TSNARE1: variants seen among roughly 807,000 people sequenced by gnomAD.
TSNARE1 encodes the protein t-SNARE domain-containing protein 1.
Under a neutral mutation model 62.0 loss-of-function variants are expected in TSNARE1, and 49 were observed. The ratio of observed to expected loss-of-function variants is 0.79; its 90% CI spans 0.63 to 1.00. TSNARE1 has a LOEUF of 1.00. Among genes scored for constraint, TSNARE1 ranks in the 50% least tolerant of loss-of-function variants. The pLI, the probability that TSNARE1 is intolerant of heterozygous loss-of-function variation, is 0.00. For missense variants in TSNARE1, 755 were observed against 700.1 expected (o/e 1.08, Z -0.88); for synonymous variants, 328 against 294.4 (o/e 1.11, Z -1.17).
chr8:142,241,715 C>A (rs1172292362), intron 12 of TSNARE1, among the ~76,000 whole-genome samples: 1 of 152,286 alleles, frequency 6.6e-6, no homozygotes. Context: ...TTGCAGTTAA[C>A]TAATCTTTGG....
intron 10 of TSNARE1, among the ~76,000 whole-genome samples, chr8:142,297,736 G>A (rs1586640578): frequency 6.6e-6 from 1 of 152,230 alleles, no homozygotes; most frequent in South Asian, 2.1e-4. Flanking sequence ...AGCCTCTCAT[G>A]CGTCACGCTG....
intron 11 of TSNARE1, chr8:142,278,577 G>A: frequency 1.0e-6 from 1 of 985,444 alleles, no homozygotes; most frequent in African/African-American, 1.7e-5. Context: ...GGTGCGGTGG[G>A]AGGAGGCACG....
chr8:142,379,656 G>A (rs983502938), intron 1 of TSNARE1, among the ~76,000 whole-genome samples: 3 of 152,208 alleles, frequency 2.0e-5, no homozygotes, highest in African/African-American at 7.2e-5. Context: ...ACCACACAAA[G>A]GAGAAGAGAG....
chr8:142,276,499 C>A (rs761767280), intron 11 of TSNARE1: 2 of 985,358 alleles, frequency 2.0e-6, no homozygotes, highest in Non-Finnish European at 2.4e-6. Flanking sequence ...GGCCTCGCTT[C>A]TGTTGCTGAG....
intron 10 of TSNARE1, among the ~76,000 whole-genome samples, chr8:142,290,925 G>A (rs778883689): frequency 6.6e-6 from 1 of 152,214 alleles, no homozygotes; most frequent in Non-Finnish European, 1.5e-5. Flanking sequence ...CTTGGCGAGG[G>A]AAGCCCAGTG....
intron 4 of TSNARE1, among the ~76,000 whole-genome samples, chr8:142,339,068 A>T (rs1832169470): frequency 6.6e-6 from 1 of 152,026 alleles, no homozygotes; most frequent in Non-Finnish European, 1.5e-5. Flanking sequence ...TGATGGACAG[A>T]CGTGAGGAAA....
chr8:142,284,638 T>C (rs1014123505), intron 10 of TSNARE1, among the ~76,000 whole-genome samples, 153 bp from the exon 11 acceptor site: 19 of 152,090 alleles, frequency 1.2e-4, no homozygotes, highest in Non-Finnish European at 1.8e-4. Flanking sequence ...GTCTGTCCAC[T>C]TCCTGTGACA....
intron 9 of TSNARE1, among the ~76,000 whole-genome samples, chr8:142,310,526 G>A (rs1482030026): frequency 6.6e-6 from 1 of 151,254 alleles, no homozygotes; most frequent in African/African-American, 2.5e-5. Context: ...TTCTGTTGAT[G>A]AGGAGTTCTC....
In TSNARE1 at chr8:142,219,100, T is replaced by C. The variant is rs530232564; in HGVS notation, c.*12-6787A>G. Among the ~76,000 whole-genome samples the C allele has an allele frequency of 3.9e-5, 6 of 152,178 alleles. No homozygotes were observed. In the South Asian group the frequency reaches 8.3e-4, roughly 21 times the overall value. ...ACTTCTTTTCCCTGTCAGGGCTGGC[T>C]GAAGATGCTTTCTGTTCCCTGAGTG... On this transcript the variant is annotated intron_variant, in intron 13 of 13. Coordinates refer to ENST00000524325, the MANE Select transcript of TSNARE1 (RefSeq NM_145003.5).
intron 11 of TSNARE1, chr8:142,277,037 T>C: frequency 1.0e-6 from 1 of 985,290 alleles, no homozygotes; most frequent in Non-Finnish European, 1.2e-6. Flanking sequence ...TGAGGACAGG[T>C]TTGGTGCGTG....
intron 13 of TSNARE1, among the ~76,000 whole-genome samples, chr8:142,213,658 C>T (rs1233724277): frequency 1.3e-5 from 2 of 152,160 alleles, no homozygotes; most frequent in African/African-American, 2.4e-5. Flanking sequence ...GGGGAGGGGG[C>T]CCCTCAGGAC....
chr8:142,363,168 G>A (rs1035665211), intron 1 of TSNARE1, among the ~76,000 whole-genome samples: 1 of 152,168 alleles, frequency 6.6e-6, no homozygotes, highest in Non-Finnish European at 1.5e-5. Flanking sequence ...GGTATCTACT[G>A]GGGATGGCCC....
At position 142,271,454 on chromosome 8, in the gene TSNARE1, G is replaced by A. The variant is rs561530425; in HGVS notation, c.1446+3327C>T. ...TGCGGACGTTTCAGATGCTGCCGCTGGGGTCCTCCTGGAGGGCAAGGGAGG... is the reference window on the plus strand; with the variant it reads ...TGCGGACGTTTCAGATGCTGCCGCTAGGGTCCTCCTGGAGGGCAAGGGAGG... On this transcript the variant is annotated intron_variant, in intron 12 of 13. Coordinates refer to ENST00000524325, the MANE Select transcript of TSNARE1 (RefSeq NM_145003.5). 2.4e-5 allele frequency: 30 copies of A among 1,262,688 alleles called. No individual in the cohort carries two copies. The Middle Eastern group carries it at 1.2e-3, about 51-fold the overall frequency. 78.2% of individuals were successfully genotyped at this position (1,262,688 alleles called of 1,614,324 possible).
chr8:142,245,403 G>A (rs1300608294), intron 12 of TSNARE1, among the ~76,000 whole-genome samples: 3 of 152,240 alleles, frequency 2.0e-5, no homozygotes, highest in Non-Finnish European at 2.9e-5. Context: ...ACCAAAAACT[G>A]CAAACACTCT....
chr8:142,278,773 G>A (rs1056563175), intron 11 of TSNARE1: 18 of 985,324 alleles, frequency 1.8e-5, no homozygotes, highest in South Asian at 1.4e-4. Context: ...GAGAGTCACC[G>A]GACAGCACCA....
chr8:142,315,382 ACTC>A (rs1170513525), intron 7 of TSNARE1, among the ~76,000 whole-genome samples: 1 of 152,064 alleles, frequency 6.6e-6, no homozygotes, highest in Admixed American at 6.5e-5. Context: ...CAGCACTGTG[ACTC>A]CTCTTCCACA....
intron 1 of TSNARE1, among the ~76,000 whole-genome samples, chr8:142,356,587 G>A (rs1013903061): frequency 2.6e-5 from 4 of 152,202 alleles, no homozygotes; most frequent in African/African-American, 4.8e-5. Flanking sequence ...GAAACACAGC[G>A]TGGAGGAAAC....
intron 6 of TSNARE1, 112 bp from the exon 7 acceptor site, chr8:142,318,746 G>A: frequency 2.2e-6 from 2 of 923,908 alleles, no homozygotes; most frequent in Admixed American, 1.9e-5. Flanking sequence ...GGGAGACAGA[G>A]ACAGATGGAT....
chr8:142,289,468 G>C (rs1823384644), intron 10 of TSNARE1, among the ~76,000 whole-genome samples: 1 of 152,220 alleles, frequency 6.6e-6, no homozygotes, highest in East Asian at 1.9e-4. Flanking sequence ...CCGAGCTGGG[G>C]ATCTCACGGA....
Sources: allele counts gnomAD v4.1 joint callset (sites outside exome capture counted in the v4.1 genomes callset), GRCh38; gene constraint gnomAD v4.1.1; transcripts MANE v1.5; gene names NCBI Gene and HGNC (gene_info 2026-07-23, HGNC 2026-07-21).